RAB3IP: variants seen among roughly 807,000 people sequenced by gnomAD.
RAB3IP encodes the protein rab-3A-interacting protein.
A neutral mutation model predicts 59.1 loss-of-function variants in RAB3IP; 36 were observed. The ratio of observed to expected loss-of-function variants is 0.61; its 90% CI spans 0.47 to 0.80. The LOEUF is 0.80. RAB3IP is among the 30% of genes least tolerant of loss of function. RAB3IP has a pLI of 0.00. For missense variants in RAB3IP, 511 were observed against 536.0 expected (o/e 0.95, Z 0.46); for synonymous variants, 207 against 191.2 (o/e 1.08, Z -0.68).
chr12:69,783,810 T>G (rs1408353431), intron 3 of RAB3IP, among the ~76,000 whole-genome samples: 1 of 152,204 alleles, frequency 6.6e-6, no homozygotes, highest in Non-Finnish European at 1.5e-5. Flanking sequence ...TGATCATGCA[T>G]TGTGAGCAGT....
In RAB3IP at chr12:69,800,760, G is replaced by T. The variant is rs528761541; in HGVS notation, c.1017+423G>T. On this transcript the variant is annotated intron_variant, in intron 7 of 10. Transcript: ENST00000247833. ...AATGCCTTCTTTGCCTGTGCCACAG[G>T]ATTGTTAAAAGGATAAAATGAAGTG... is the stretch of plus-strand genomic sequence containing the variant. 1.6e-4 allele frequency among the ~76,000 whole-genome samples: 25 copies of T among 152,150 alleles called. 1 individual carries two copies. The highest frequency in any genetic ancestry group is 3.4e-3 in the Middle Eastern group (1 of 294).
chr12:69,749,307 G>C (rs1441522903), intron 1 of RAB3IP, among the ~76,000 whole-genome samples: 1 of 152,164 alleles, frequency 6.6e-6, no homozygotes, highest in East Asian at 1.9e-4. Flanking sequence ...AGAATCTAAT[G>C]CCTGATGATC....
chr12:69,741,394 T>C (rs543615165), intron 1 of RAB3IP, among the ~76,000 whole-genome samples: 23 of 152,356 alleles, frequency 1.5e-4, no homozygotes, highest in Admixed American at 1.4e-3. Flanking sequence ...AAATGGAACG[T>C]AGTGCTTTTG....
At chr12:69,740,287 C>T (rs928205580) in intron 1 of RAB3IP, among the ~76,000 whole-genome samples, 1 of 151,958 alleles carries the variant, frequency 6.6e-6, no homozygotes, top group Non-Finnish European at 1.5e-5. Context: ...GGGCCTTGTT[C>T]TGTTATCATT....
intron 8 of RAB3IP, among the ~76,000 whole-genome samples, chr12:69,803,371 T>A (rs1179887838): frequency 6.6e-6 from 1 of 152,072 alleles, no homozygotes; most frequent in Non-Finnish European, 1.5e-5. Context: ...AGCTAGAGTG[T>A]GAAGATAATG....
At chr12:69,795,548 G>A in intron 6 of RAB3IP, 2 of 595,372 alleles carry the variant, frequency 3.4e-6, no homozygotes, top group South Asian at 4.3e-5. Flanking sequence ...GTACCTGCTG[G>A]AAACTTGGTA....
Position 69,808,507 on chromosome 12 carries a change from A to G in RAB3IP, c.1131-4271A>G, listed in dbSNP as rs139509394. Among the ~76,000 whole-genome samples the G allele has an allele frequency of 3.0e-3, 463 of 152,286 alleles. 13 individuals carry two copies. The East Asian group carries it at 0.044, about 15-fold the overall frequency. ...GTGGGGTTGTTGACAGTGGGGTGTTAAAGTCTCCCATTATTATTGTTTGGG... is the reference window on the plus strand; with the variant it reads ...GTGGGGTTGTTGACAGTGGGGTGTTGAAGTCTCCCATTATTATTGTTTGGG... On this transcript the variant is annotated intron_variant, in intron 8 of 10. Coordinates refer to ENST00000247833, the MANE Select transcript of RAB3IP (RefSeq NM_022456.5).
chr12:69,764,214 T>C (rs1478416411), intron 3 of RAB3IP, among the ~76,000 whole-genome samples: 2 of 152,172 alleles, frequency 1.3e-5, no homozygotes, highest in Non-Finnish European at 1.5e-5. Context: ...CTAGGATTCT[T>C]ATGGCTTATG....
At chr12:69,740,878 C>CT (rs1312123378) in intron 1 of RAB3IP, among the ~76,000 whole-genome samples, 3 of 152,136 alleles carry the variant, frequency 2.0e-5, no homozygotes, top group Non-Finnish European at 4.4e-5. Flanking sequence ...AGTTACTATA[C>CT]TTTTTTCCTC....
chr12:69,814,461 C>G (rs1389751696), intron 10 of RAB3IP, among the ~76,000 whole-genome samples: 2 of 152,046 alleles, frequency 1.3e-5, no homozygotes, highest in Non-Finnish European at 2.9e-5. Flanking sequence ...GCAGCTAAAT[C>G]TAAAGCAGAA....
Position 69,744,373 on chromosome 12 carries a change from CAACAT to C in RAB3IP, c.-26+5347_-26+5351del, listed in dbSNP as rs147205737. ...GTTCAGAACATTTTCTGAAAACTGT[CAACAT>C]AACACACTGCAATAACTAACATCTC... is the stretch of plus-strand genomic sequence containing the variant. On this transcript the variant is annotated intron_variant, in intron 1 of 10. Coordinates refer to ENST00000247833, the MANE Select transcript of RAB3IP (RefSeq NM_022456.5). 8.3e-3 allele frequency among the ~76,000 whole-genome samples: 1,256 copies of C among 152,020 alleles called. 14 individuals carry two copies. Among genetic ancestry groups the C allele is most frequent in the African/African-American group, 0.025 (1,037 of 41,454 alleles).
Position 69,817,618 on chromosome 12 carries a change from T to C in RAB3IP, c.*2172T>C, listed in dbSNP as rs1881265652. 1 of 146,990 alleles carries C rather than the reference T, an allele frequency of 6.8e-6. No individual in the cohort carries two copies. The highest frequency in any genetic ancestry group is 2.5e-5 in the African/African-American group (1 of 39,354). 9.1% of individuals were successfully genotyped at this position (146,990 alleles called of 1,614,324 possible). On this transcript the variant is annotated 3_prime_UTR_variant, in exon 11 of 11. Coordinates refer to ENST00000247833, the MANE Select transcript of RAB3IP (RefSeq NM_022456.5). ...CTTGAGCTGCTTGAGCCCAGGAGTT[T>C]GAGACGGGCCTGGGAAAAATAGGGA...
At chr12:69,814,510 A>G (rs2136291185) in intron 10 of RAB3IP, among the ~76,000 whole-genome samples, 1 of 152,162 alleles carries the variant, frequency 6.6e-6, no homozygotes, top group South Asian at 2.1e-4. Context: ...TGAGCTGGAT[A>G]ATTCTTTGTT....
At chr12:69,749,021 T>C (rs1412565996) in intron 1 of RAB3IP, among the ~76,000 whole-genome samples, 2 of 152,198 alleles carry the variant, frequency 1.3e-5, no homozygotes, top group African/African-American at 4.8e-5. Context: ...AAGGGAAACA[T>C]TGTAGGTTAG....
At chr12:69,766,479 AC>A (rs1872215835) in intron 3 of RAB3IP, among the ~76,000 whole-genome samples, 1 of 150,552 alleles carries the variant, frequency 6.6e-6, no homozygotes, top group African/African-American at 2.4e-5. Context: ...CAAATTCCTT[AC>A]GTCAGTTTTT....
At chr12:69,756,135 G>A (rs1436731249) in intron 2 of RAB3IP, among the ~76,000 whole-genome samples, 1 of 152,198 alleles carries the variant, frequency 6.6e-6, no homozygotes, top group African/African-American at 2.4e-5. Context: ...GCTATAGTTT[G>A]TTAACCCCTG....
At chr12:69,808,038 A>G (rs1879760767) in intron 8 of RAB3IP, among the ~76,000 whole-genome samples, 1 of 152,056 alleles carries the variant, frequency 6.6e-6, no homozygotes, top group Non-Finnish European at 1.5e-5. Flanking sequence ...AGTGCTATAA[A>G]TTTCCCTCTA....
In RAB3IP at chr12:69,801,590, C is replaced by T. The variant is rs777406647; in HGVS notation, c.1018-19C>T. Reference sequence around the variant, plus strand: ...TTTTCTGCCAGTATAGCATCTAGTACTTTTTCTTTTTTTTTAAGTTGGCTT... The same window carrying T: ...TTTTCTGCCAGTATAGCATCTAGTATTTTTTCTTTTTTTTTAAGTTGGCTT... On this transcript the variant is annotated intron_variant, in intron 7 of 10. Transcript: ENST00000247833. 4.5e-6 allele frequency: 7 copies of T among 1,540,534 alleles called. No homozygotes were observed. The highest frequency in any genetic ancestry group is 6.2e-6 in the Non-Finnish European group (7 of 1,122,804).
In RAB3IP at chr12:69,820,233, A is replaced by C. The variant is rs1385070998; in HGVS notation, c.*4787A>C. 6.6e-6 allele frequency: 1 copy of C among 152,152 alleles called. No homozygotes were observed. Among genetic ancestry groups the C allele is most frequent in the Non-Finnish European group, 1.5e-5 (1 of 68,046 alleles). The allele number at this position is 152,152 out of a possible 1,614,324, so 9.4% of individuals were successfully genotyped here. A position where few individuals can be genotyped will look rare whatever the true frequency, so the allele number is the denominator to read the frequency against. On this transcript the variant is annotated 3_prime_UTR_variant, in exon 11 of 11. Coordinates refer to ENST00000247833, the MANE Select transcript of RAB3IP (RefSeq NM_022456.5). ...ACAGATCTGCCATGGCTGAACTCTC[A>C]GTTGCTTAAGCAAAATTCTGGGGCT...
Sources: gnomAD v4.1 joint callset for allele counts (sites outside exome capture counted in the v4.1 genomes callset) on GRCh38, gnomAD v4.1.1 for gene constraint, MANE v1.5 for transcripts, NCBI Gene and HGNC (gene_info 2026-07-23, HGNC 2026-07-21) for gene names.